Variants in RIN3 observed in about 807,000 individuals in gnomAD.
The protein encoded by RIN3 is RAB5 interacting protein 3.
In RIN3, 54 loss-of-function variants were observed where a neutral mutation model predicts 76.3. That is an observed-to-expected ratio of 0.71 (90% confidence interval 0.57 to 0.89). RIN3 has a LOEUF of 0.89. Among genes scored for constraint, RIN3 ranks in the 40% least tolerant of loss-of-function variants. The pLI is 0.00. For synonymous variants in RIN3, 576 were observed against 564.0 expected (o/e 1.02, Z -0.30); for missense variants, 1,256 against 1,322.1 (o/e 0.95, Z 0.78).
Position 92,688,662 on chromosome 14 carries a change from G to A in RIN3, c.*410G>A, listed in dbSNP as rs1888972753. 1 of 200,664 alleles carries A rather than the reference G, an allele frequency of 5.0e-6. No individual in the cohort carries two copies. Among genetic ancestry groups the A allele is most frequent in the Admixed American group, 5.6e-5 (1 of 17,700 alleles). 12.4% of individuals were successfully genotyped at this position (200,664 alleles called of 1,614,324 possible). On this transcript the variant is annotated 3_prime_UTR_variant, in exon 10 of 10. Coordinates refer to ENST00000216487, the MANE Select transcript of RIN3 (RefSeq NM_024832.5). The stretch of plus-strand genomic sequence containing the variant: ...GTTTCCCCAGGACTGGCCTAGGAAG[G>A]AGCACCGGCCACAGCTGCTCCCCGT...
intron 1 of RIN3, among the ~76,000 whole-genome samples, chr14:92,525,926 C>A (rs540870445): frequency 3.4e-4 from 52 of 152,234 alleles, no homozygotes; most frequent in African/African-American, 1.2e-3. Flanking sequence ...GCATCCTGCT[C>A]AGACTGGGGT....
intron 2 of RIN3, among the ~76,000 whole-genome samples, chr14:92,562,934 G>A (rs963367920): frequency 1.3e-5 from 2 of 152,140 alleles, no homozygotes; most frequent in African/African-American, 4.8e-5. Context: ...TGGTGATGAA[G>A]GAGGTGAAAG....
chr14:92,574,930 G>A (rs985599281), intron 2 of RIN3, among the ~76,000 whole-genome samples: 1 of 152,108 alleles, frequency 6.6e-6, no homozygotes, highest in Non-Finnish European at 1.5e-5. Flanking sequence ...TCAGGTCTCA[G>A]CTCCACCACC....
intron 8 of RIN3, among the ~76,000 whole-genome samples, chr14:92,677,201 A>T (rs1273596429): frequency 1.3e-5 from 2 of 152,120 alleles, no homozygotes; most frequent in African/African-American, 4.8e-5. Context: ...AATAGGATGA[A>T]GGCAGAGGTG....
At chr14:92,517,088 G>A (rs185141843) in intron 1 of RIN3, among the ~76,000 whole-genome samples, 39 of 152,318 alleles carry the variant, frequency 2.6e-4, no homozygotes, top group African/African-American at 9.4e-4. Flanking sequence ...CTCTGTCTCT[G>A]TAACCCCCTG....
intron 3 of RIN3, among the ~76,000 whole-genome samples, chr14:92,606,701 C>A (rs1020758853): frequency 1.3e-5 from 2 of 152,072 alleles, no homozygotes; most frequent in African/African-American, 4.8e-5. Context: ...AAAAAACCAC[C>A]ATGAGATACA....
intron 1 of RIN3, among the ~76,000 whole-genome samples, chr14:92,520,057 T>A (rs1896553022): frequency 6.6e-6 from 1 of 152,224 alleles, no homozygotes; most frequent in South Asian, 2.1e-4. Context: ...GTCAGAAGCT[T>A]TGAACATGGC....
At chr14:92,561,225 A>G (rs1322889687) in intron 2 of RIN3, among the ~76,000 whole-genome samples, 1 of 148,882 alleles carries the variant, frequency 6.7e-6, no homozygotes, top group African/African-American at 2.5e-5. Context: ...GTCTTCAGAG[A>G]CCACCTGGGT....
At chr14:92,628,328 G>GC (rs1305383286) in intron 4 of RIN3, among the ~76,000 whole-genome samples, 1 of 152,190 alleles carries the variant, frequency 6.6e-6, no homozygotes, top group Non-Finnish European at 1.5e-5. Flanking sequence ...GGGTCAAGCA[G>GC]CATTGCAACT....
intron 4 of RIN3, among the ~76,000 whole-genome samples, chr14:92,618,372 T>TAG (rs1886049586): frequency 6.6e-6 from 1 of 152,116 alleles, no homozygotes; most frequent in African/African-American, 2.4e-5. Flanking sequence ...ACACCCCTGG[T>TAG]TAGCCTTACC....
chr14:92,632,988 C>G (rs572094692), intron 4 of RIN3, among the ~76,000 whole-genome samples: 60 of 152,306 alleles, frequency 3.9e-4, no homozygotes, highest in African/African-American at 1.4e-3. Flanking sequence ...TATCAGACTG[C>G]TCTTCAGCGA....
intron 7 of RIN3, among the ~76,000 whole-genome samples, chr14:92,673,250 A>G (rs996057452): frequency 5.3e-5 from 8 of 152,294 alleles, no homozygotes; most frequent in Admixed American, 5.2e-4. Context: ...CATGGTGTGC[A>G]TGCACCACAT....
chr14:92,655,646 G>A (rs1178180536), intron 6 of RIN3, among the ~76,000 whole-genome samples: 1 of 152,256 alleles, frequency 6.6e-6, no homozygotes, highest in Non-Finnish European at 1.5e-5. Context: ...TGAGGCTACT[G>A]TCAGAGCCAA....
chr14:92,604,214 G>A (rs1268659631), intron 3 of RIN3, among the ~76,000 whole-genome samples: 1 of 152,172 alleles, frequency 6.6e-6, no homozygotes, highest in African/African-American at 2.4e-5. Context: ...CCCAGCCCAT[G>A]GGGCCCTGCA....
chr14:92,591,963 C>T (rs1884992933), intron 3 of RIN3, among the ~76,000 whole-genome samples: 1 of 152,174 alleles, frequency 6.6e-6, no homozygotes, highest in African/African-American at 2.4e-5. Context: ...ATTGACCTAA[C>T]AGATAACAGT....
intron 3 of RIN3, among the ~76,000 whole-genome samples, chr14:92,610,365 C>T (rs1231879665): frequency 6.6e-6 from 1 of 152,178 alleles, no homozygotes; most frequent in Non-Finnish European, 1.5e-5. Context: ...CCGCTGATAT[C>T]CTTTCTGTCT....
At position 92,688,807 on chromosome 14, in the gene RIN3, G is replaced by C. The variant is rs1024782022; in HGVS notation, c.*555G>C. 1 of 155,202 alleles carries C rather than the reference G, an allele frequency of 6.4e-6. No homozygotes were observed. The highest frequency in any genetic ancestry group is 2.4e-5 in the African/African-American group (1 of 41,456). 9.6% of individuals were successfully genotyped at this position (155,202 alleles called of 1,614,324 possible). ...CGGTGCCCCCAGACCCCGCAGCTCT[G>C]TGCCCGGCAAGAAGCAGCTAGACAC... On this transcript the variant is annotated 3_prime_UTR_variant, in exon 10 of 10. Coordinates refer to ENST00000216487, the MANE Select transcript of RIN3 (RefSeq NM_024832.5).
intron 3 of RIN3, among the ~76,000 whole-genome samples, chr14:92,598,966 G>A (rs1415942246): frequency 6.6e-6 from 1 of 152,154 alleles, no homozygotes; most frequent in Non-Finnish European, 1.5e-5. Context: ...ATGAATAGAA[G>A]TGTCCTGTTT....
Position 92,538,842 on chromosome 14 carries a change from A to T in RIN3, c.45-16909A>T, listed in dbSNP as rs369486545. The stretch of plus-strand genomic sequence containing the variant: ...AAATTCCAAAGGTACAAAAGGGTTC[A>T]TATCCCAGCTCTGCCACTTGCTAAT... On this transcript the variant is annotated intron_variant, in intron 1 of 9. Coordinates refer to ENST00000216487, the MANE Select transcript of RIN3 (RefSeq NM_024832.5). Among the ~76,000 whole-genome samples the T allele has an allele frequency of 1.3e-4, 20 of 152,274 alleles. No homozygotes were observed. The East Asian group carries it at 2.3e-3, about 18-fold the overall frequency.
Sources: allele counts gnomAD v4.1 joint callset (sites outside exome capture counted in the v4.1 genomes callset), GRCh38; gene constraint gnomAD v4.1.1; transcripts MANE v1.5; gene names NCBI Gene and HGNC (gene_info 2026-07-23, HGNC 2026-07-21).